The following WDTC1 variants were observed in gnomAD, a reference collection of about 807,000 sequenced individuals.
WDTC1 encodes the protein WD and tetratricopeptide repeats protein 1.
WDTC1 carries 12 observed loss-of-function variants against 76.0 expected under a neutral mutation model. That is an observed-to-expected ratio of 0.16 (90% CI 0.10 to 0.26). WDTC1 has a LOEUF of 0.26. Among genes scored for constraint, WDTC1 ranks in the 10% least tolerant of loss-of-function variants. The pLI, the probability that WDTC1 is intolerant of heterozygous loss-of-function variation, is 1.00. For synonymous variants in WDTC1, 326 were observed against 350.8 expected (o/e 0.93, Z 0.79); for missense variants, 511 against 908.8 (o/e 0.56, Z 5.63).
intron 3 of WDTC1, among the ~76,000 whole-genome samples, 195 bp downstream of exon 3, chr1:27,263,430 TTTTTA>T (rs905955912): frequency 1.3e-5 from 2 of 152,074 alleles, no homozygotes; most frequent in African/African-American, 4.8e-5. Context: ...AATTATTATT[TTTTTA>T]TTTTATTTTA....
Position 27,274,332 on chromosome 1 carries a change from A to T in WDTC1, c.133-7907A>T, listed in dbSNP as rs1481992900. Reference sequence around the variant, plus strand: ...GAGAGGGAAAGAAAAAAGAAAAGAAAATACAGAGAACTGGCTGGGGCACAG... The same window carrying T: ...GAGAGGGAAAGAAAAAAGAAAAGAATATACAGAGAACTGGCTGGGGCACAG... On this transcript the variant is annotated intron_variant, in intron 3 of 15. Transcript: ENST00000319394. The surrounding 1 kb of genome is among the most constrained non-coding windows in gnomAD (Gnocchi z 4.2). Among the ~76,000 whole-genome samples, 2 of 151,914 alleles carry T rather than the reference A, an allele frequency of 1.3e-5. No individual in the cohort carries two copies. Among genetic ancestry groups the T allele is most frequent in the Non-Finnish European group, 2.9e-5 (2 of 68,006 alleles).
At position 27,301,526 on chromosome 1, in the gene WDTC1, G is replaced by C; in HGVS notation, c.1468+65G>C. ...CTTTGAGATGCTGCATGACATTCTG[G>C]AGAGGTCATGGTTCTGGGATTGGAG... On this transcript the variant is annotated intron_variant, in intron 13 of 15. Transcript: ENST00000319394. The surrounding 1 kb of genome is among the most constrained non-coding windows in gnomAD (Gnocchi z 5.8). 6.5e-7 allele frequency: 1 copy of C among 1,549,596 alleles called. No individual in the cohort carries two copies. The highest frequency in any genetic ancestry group is 8.8e-7 in the Non-Finnish European group (1 of 1,138,786).
chr1:27,278,074 C>G (rs546762578), intron 3 of WDTC1, among the ~76,000 whole-genome samples: 11 of 152,258 alleles, frequency 7.2e-5, no homozygotes, highest in Admixed American at 2.0e-4. Context: ...AACCCCTGAC[C>G]TCAAATGATC....
intron 12 of WDTC1, among the ~76,000 whole-genome samples, chr1:27,298,539 TG>T (rs1396379279): frequency 6.6e-6 from 1 of 152,208 alleles, no homozygotes; most frequent in African/African-American, 2.4e-5. Context: ...TGCAGTCCCT[TG>T]CCCCTCTAAG....
At position 27,283,779 on chromosome 1, in the gene WDTC1, G is replaced by C. The variant is rs1023989419; in HGVS notation, c.291+330G>C. On this transcript the variant is annotated intron_variant, in intron 5 of 15. Coordinates refer to ENST00000319394, the MANE Select transcript of WDTC1 (RefSeq NM_001276252.2). ...GCTTCTTGGGCATTGTGTGACCTGGGCAAATCACCTGACCTGTCTGAGCCT... is the reference window on the plus strand; with the variant it reads ...GCTTCTTGGGCATTGTGTGACCTGGCCAAATCACCTGACCTGTCTGAGCCT... Among the ~76,000 whole-genome samples the C allele has an allele frequency of 3.3e-5, 5 of 152,192 alleles. 1 individual carries two copies. Among genetic ancestry groups the C allele is most frequent in the Non-Finnish European group, 7.3e-5 (5 of 68,040 alleles).
chr1:27,257,195 T>G (rs749436762), intron 1 of WDTC1, among the ~76,000 whole-genome samples: 16 of 152,250 alleles, frequency 1.1e-4, no homozygotes, highest in Admixed American at 4.6e-4. Flanking sequence ...ATAAAAATAT[T>G]TATATTCTTA....
rs1485259669 is a variant in WDTC1, at chr1:27,303,958, C to A, written c.1643+163C>A. On this transcript the variant is annotated intron_variant, in intron 14 of 15. Transcript: ENST00000319394. The surrounding 1 kb of genome is among the most constrained non-coding windows in gnomAD (Gnocchi z 4.8). ...TTGTCAGCCTCTAAAGTTTTTTAATCTATGAAATGACCAACCTGCCATGCC... is the reference window on the plus strand; with the variant it reads ...TTGTCAGCCTCTAAAGTTTTTTAATATATGAAATGACCAACCTGCCATGCC... 1.2e-5 allele frequency: 11 copies of A among 942,054 alleles called. No homozygotes were observed. Among genetic ancestry groups the A allele is most frequent in the Non-Finnish European group, 1.6e-5 (10 of 641,038 alleles). 58.4% of individuals were successfully genotyped at this position (942,054 alleles called of 1,614,324 possible).
At chr1:27,296,946 G>C (rs913841619) in intron 10 of WDTC1, 102 bp from the exon 11 acceptor site, 9 of 1,030,892 alleles carry the variant, frequency 8.7e-6, no homozygotes, top group African/African-American at 7.9e-5. Flanking sequence ...ACAGTCCCAC[G>C]ATGGAACCAT....
intron 3 of WDTC1, among the ~76,000 whole-genome samples, chr1:27,268,145 T>G (rs920418965): frequency 3.3e-5 from 5 of 152,186 alleles, no homozygotes; most frequent in African/African-American, 1.2e-4. Flanking sequence ...ATCATCATTT[T>G]GAGAAATTTC....
intron 5 of WDTC1, 143 bp from the exon 6 acceptor site, chr1:27,287,531 C>A: frequency 1.1e-6 from 1 of 886,396 alleles, no homozygotes; most frequent in Non-Finnish European, 1.7e-6. Context: ...GGATTACAGG[C>A]ATGAGCCACC....
intron 1 of WDTC1, among the ~76,000 whole-genome samples, chr1:27,248,310 A>G (rs1313612372): frequency 6.6e-6 from 1 of 152,180 alleles, no homozygotes; most frequent in East Asian, 1.9e-4. Flanking sequence ...CCTCACCAGC[A>G]TCTGTTATTT....
chr1:27,244,391 C>T (rs1428185806), intron 1 of WDTC1, among the ~76,000 whole-genome samples: 3 of 152,072 alleles, frequency 2.0e-5, no homozygotes, highest in Middle Eastern at 3.2e-3. Flanking sequence ...AGTGCAGAGG[C>T]ACAATCATAG....
chr1:27,288,149 C>G (rs900508256), intron 6 of WDTC1, among the ~76,000 whole-genome samples: 2 of 152,168 alleles, frequency 1.3e-5, no homozygotes, highest in African/African-American at 4.8e-5. Context: ...ACTCTTTCCT[C>G]TACTTGAGAT....
At chr1:27,273,191 T>G (rs968114584) in intron 3 of WDTC1, among the ~76,000 whole-genome samples, 1 of 141,256 alleles carries the variant, frequency 7.1e-6, no homozygotes, top group African/African-American at 2.5e-5. Context: ...AAATGACTAA[T>G]TTTCTTTTTC....
At chr1:27,271,146 G>C (rs2012857480) in intron 3 of WDTC1, among the ~76,000 whole-genome samples, 1 of 152,146 alleles carries the variant, frequency 6.6e-6, no homozygotes, top group Non-Finnish European at 1.5e-5. Context: ...CGGGTGGGAG[G>C]TATAAGGTAG....
chr1:27,250,159 A>C (rs1480827728), intron 1 of WDTC1, among the ~76,000 whole-genome samples: 1 of 152,146 alleles, frequency 6.6e-6, no homozygotes, highest in Non-Finnish European at 1.5e-5. Flanking sequence ...CACCTACTAC[A>C]ATCTAGATAC....
At chr1:27,292,502 A>G in intron 7 of WDTC1, 105 bp downstream of exon 7, 1 of 1,149,654 alleles carries the variant, frequency 8.7e-7, no homozygotes. Context: ...ATCACAGCTC[A>G]CTGCAGCCTC....
At chr1:27,250,743 A>G (rs956725933) in intron 1 of WDTC1, among the ~76,000 whole-genome samples, 13 of 152,118 alleles carry the variant, frequency 8.5e-5, no homozygotes, top group African/African-American at 2.4e-4. Context: ...TTGGTTCTAG[A>G]TGAGTGATCT....
At chr1:27,292,679 G>A (rs528337502) in intron 7 of WDTC1, among the ~76,000 whole-genome samples, 3 of 150,830 alleles carry the variant, frequency 2.0e-5, no homozygotes, top group Non-Finnish European at 2.9e-5. Context: ...TTTCCACCTC[G>A]ACCTCCCAAA....
Sources: allele counts gnomAD v4.1 joint callset (sites outside exome capture counted in the v4.1 genomes callset), GRCh38; gene constraint gnomAD v4.1.1; non-coding constraint Gnocchi (gnomAD v3.1); transcripts MANE v1.5; gene names NCBI Gene and HGNC (gene_info 2026-07-23, HGNC 2026-07-21).